Variants in BCL11B observed in about 807,000 individuals in gnomAD.
BCL11B encodes the protein B-cell lymphoma/leukemia 11B.
In BCL11B, 8 loss-of-function variants were observed where a neutral mutation model predicts 49.9. The ratio of observed to expected loss-of-function variants is 0.16; its 90% CI spans 0.09 to 0.29. The LOEUF is 0.29. BCL11B is among the 10% of genes least tolerant of loss of function. BCL11B has a pLI of 1.00. For synonymous variants in BCL11B, 739 were observed against 637.4 expected, an observed-to-expected ratio of 1.16 and a Z score of -2.40; for missense variants, 1,006 against 1,351.0, an observed-to-expected ratio of 0.74 and a Z score of 4.00.
intron 3 of BCL11B, among the ~76,000 whole-genome samples, chr14:99,176,908 C>A (rs1000350968): frequency 6.6e-6 from 1 of 151,718 alleles, no homozygotes; most frequent in Non-Finnish European, 1.5e-5. Context: ...TCAAACTGTA[C>A]TATCCTGCAA....
At chr14:99,199,907 G>A (rs552260919) in intron 3 of BCL11B, among the ~76,000 whole-genome samples, 45 of 151,988 alleles carry the variant, frequency 3.0e-4, no homozygotes, top group African/African-American at 1.1e-3. Flanking sequence ...CCTCGCCACA[G>A]GATTAATTAT....
chr14:99,232,235 C>T lies in BCL11B; in HGVS notation c.428-678G>A, dbSNP rs554553884. ...CCTGGCGCTGCTCACCCCCTCCTAACGTCTCGGCCTGGCTTGGGAGGCCTC... is the reference window on the plus strand; with the variant it reads ...CCTGGCGCTGCTCACCCCCTCCTAATGTCTCGGCCTGGCTTGGGAGGCCTC... On this transcript the variant is annotated intron_variant, in intron 2 of 3. Transcript: ENST00000357195. This position sits in a 1 kb window ranked among gnomAD's most constrained non-coding sequence, Gnocchi z 5.1. Among the ~76,000 whole-genome samples the T allele has an allele frequency of 2.0e-5, 3 of 152,270 alleles. No individual in the cohort carries two copies. Among genetic ancestry groups the T allele is most frequent in the Admixed American group, 1.3e-4 (2 of 15,310 alleles).
At chr14:99,265,018 C>G (rs752526713) in intron 1 of BCL11B, among the ~76,000 whole-genome samples, 13 of 152,130 alleles carry the variant, frequency 8.5e-5, no homozygotes, top group Non-Finnish European at 1.6e-4. Flanking sequence ...GGAGTAGGGA[C>G]AGGACAGAGC....
In BCL11B at chr14:99,228,806, CA is replaced by C. The variant is rs1397892702; in HGVS notation, c.640+2538del. Among the ~76,000 whole-genome samples the C allele has an allele frequency of 6.6e-6, 1 of 152,232 alleles. No homozygotes were observed. The highest frequency in any genetic ancestry group is 1.5e-5 in the Non-Finnish European group (1 of 68,040). On this transcript the variant is annotated intron_variant, in intron 3 of 3. Transcript: ENST00000357195. This position sits in a 1 kb window ranked among gnomAD's most constrained non-coding sequence, Gnocchi z 4.8. ...CCCCACTCCCTGTCCTCCCCACCAC[CA>C]GACTGCAAGCTGCACGAGGGCAGGG...
chr14:99,244,869 A>G (rs1888779208), intron 2 of BCL11B, among the ~76,000 whole-genome samples: 1 of 152,238 alleles, frequency 6.6e-6, no homozygotes, highest in Non-Finnish European at 1.5e-5. Flanking sequence ...ATTTCATATT[A>G]TAAGTATATA....
intron 2 of BCL11B, among the ~76,000 whole-genome samples, chr14:99,252,087 C>G (rs1470179546): frequency 6.6e-6 from 1 of 152,184 alleles, no homozygotes; most frequent in Non-Finnish European, 1.5e-5. Context: ...ACCAGCCCAG[C>G]CCAAACTCTG....
At chr14:99,270,287 T>C (rs1226171875) in intron 1 of BCL11B, among the ~76,000 whole-genome samples, 3 of 152,072 alleles carry the variant, frequency 2.0e-5, no homozygotes, top group African/African-American at 4.8e-5. Context: ...GGATACGAGA[T>C]TGATGGGTCT....
Position 99,222,536 on chromosome 14 carries a change from C to T in BCL11B, c.640+8809G>A, listed in dbSNP as rs147008564. ...CAAGTCCCTGACTCCCAGTCAGAAC[C>T]CCAAAACCCAATTTGAGGTGATCCG... is the stretch of plus-strand genomic sequence containing the variant. On this transcript the variant is annotated intron_variant, in intron 3 of 3. Transcript: ENST00000357195. Among the ~76,000 whole-genome samples the T allele has an allele frequency of 6.6e-5, 10 of 152,304 alleles. No individual in the cohort carries two copies. The South Asian group carries it at 1.0e-3, about 16-fold the overall frequency.
chr14:99,176,961 C>T (rs1261410054), intron 3 of BCL11B, among the ~76,000 whole-genome samples: 2 of 151,862 alleles, frequency 1.3e-5, no homozygotes, highest in Non-Finnish European at 2.9e-5. Flanking sequence ...ACCTCTGCAA[C>T]ATTTGGGATT....
intron 3 of BCL11B, among the ~76,000 whole-genome samples, chr14:99,211,438 T>A (rs1887684991): frequency 2.0e-5 from 3 of 152,212 alleles, no homozygotes; most frequent in Admixed American, 6.5e-5. Flanking sequence ...CTCCTCCTCA[T>A]GGCAGCCGGC....
intron 3 of BCL11B, among the ~76,000 whole-genome samples, chr14:99,187,943 G>A (rs140766997): frequency 1.0e-3 from 157 of 152,232 alleles, no homozygotes; most frequent in African/African-American, 3.5e-3. Context: ...TGGAGTGTAC[G>A]TTTAGCTCCA....
chr14:99,176,310 T>A lies in BCL11B; in HGVS notation c.641-115A>T, dbSNP rs2487507. The A allele has an allele frequency of 0.55, 529,522 of 956,880 alleles. 148,880 individuals carry two copies. Among genetic ancestry groups the A allele is most frequent in the Non-Finnish European group, 0.58 (385,705 of 665,720 alleles). 59.3% of individuals were successfully genotyped at this position (956,880 alleles called of 1,614,324 possible). A position where few individuals can be genotyped will look rare whatever the true frequency, so the allele number is the denominator to read the frequency against. On this transcript the variant is annotated intron_variant, in intron 3 of 3. Coordinates refer to ENST00000357195, the MANE Select transcript of BCL11B (RefSeq NM_138576.4). ...GGCCCGGGCTGATCCGGGATCCCAG[T>A]GCCCTGCCTGACAGGGGCTGCAGGG... is the stretch of plus-strand genomic sequence containing the variant.
intron 3 of BCL11B, among the ~76,000 whole-genome samples, chr14:99,202,726 C>G (rs1291987765): frequency 6.6e-6 from 1 of 152,160 alleles, no homozygotes; most frequent in African/African-American, 2.4e-5. Flanking sequence ...TCCAACCTCC[C>G]CAGCCTCAGC....
At chr14:99,181,987 A>G (rs1325364556) in intron 3 of BCL11B, among the ~76,000 whole-genome samples, 2 of 151,116 alleles carry the variant, frequency 1.3e-5, no homozygotes, top group East Asian at 3.9e-4. Context: ...TTTAAAAACT[A>G]TCCTCTTTCA....
At chr14:99,252,774 G>C (rs140108241) in intron 2 of BCL11B, among the ~76,000 whole-genome samples, 16 of 152,368 alleles carry the variant, frequency 1.1e-4, no homozygotes, top group African/African-American at 2.9e-4. Flanking sequence ...AGTGACAGCT[G>C]ATAGTTAATT....
intron 2 of BCL11B, among the ~76,000 whole-genome samples, chr14:99,243,771 C>CA (rs1261041729): frequency 2.0e-5 from 3 of 152,116 alleles, no homozygotes; most frequent in Non-Finnish European, 4.4e-5. Context: ...CTAGGCTTCT[C>CA]AAAGCAATAA....
intron 2 of BCL11B, among the ~76,000 whole-genome samples, chr14:99,254,785 C>A (rs1036829695): frequency 6.6e-6 from 1 of 152,162 alleles, no homozygotes; most frequent in Non-Finnish European, 1.5e-5. Flanking sequence ...GAAGCCTGGG[C>A]GGAGAAGTGC....
intron 3 of BCL11B, among the ~76,000 whole-genome samples, chr14:99,191,739 C>T (rs1465235826): frequency 3.9e-5 from 6 of 151,950 alleles, no homozygotes; most frequent in Non-Finnish European, 7.4e-5. Flanking sequence ...AAAAATGCTC[C>T]GAGTGACTTC....
At chr14:99,226,122 C>T (rs559950310) in intron 3 of BCL11B, among the ~76,000 whole-genome samples, 6 of 152,316 alleles carry the variant, frequency 3.9e-5, no homozygotes, top group Admixed American at 3.3e-4. Flanking sequence ...GACCACCGGC[C>T]CTTGGGCGAT....
Sources: allele counts gnomAD v4.1 joint callset (sites outside exome capture counted in the v4.1 genomes callset), GRCh38; gene constraint gnomAD v4.1.1; non-coding constraint Gnocchi (gnomAD v3.1); transcripts MANE v1.5; gene names NCBI Gene and HGNC (gene_info 2026-07-23, HGNC 2026-07-21).